Variants in PTPRD observed in about 807,000 individuals in gnomAD.
PTPRD encodes the protein receptor-type tyrosine-protein phosphatase delta.
Under a neutral mutation model 214.5 loss-of-function variants are expected in PTPRD, and 34 were observed. That is an observed-to-expected ratio of 0.16 (90% CI 0.12 to 0.21). The LOEUF is 0.21. PTPRD is among the 10% of genes least tolerant of loss of function. PTPRD has a pLI of 1.00. For synonymous variants in PTPRD, 1,128 were observed against 845.7 expected (o/e 1.33, Z -5.79); for missense variants, 2,545 against 2,398.7 (o/e 1.06, Z -1.27).
At chr9:8,788,328 T>A (rs147078944) in intron 11 of PTPRD, among the ~76,000 whole-genome samples, 2,097 of 132,100 alleles carry the variant, frequency 0.016, 55 homozygotes, top group African/African-American at 0.058. Context: ...CAGGCAGGAG[T>A]GCAATGGCAC....
At chr9:8,777,905 T>A (rs969229711) in intron 11 of PTPRD, among the ~76,000 whole-genome samples, 3 of 152,126 alleles carry the variant, frequency 2.0e-5, no homozygotes, top group African/African-American at 7.2e-5. Flanking sequence ...ATGAAAAACA[T>A]CCTCTATACA....
At chr9:8,608,233 T>A (rs1385542942) in intron 14 of PTPRD, among the ~76,000 whole-genome samples, 1 of 152,144 alleles carries the variant, frequency 6.6e-6, no homozygotes, top group Non-Finnish European at 1.5e-5. Flanking sequence ...TTGAACTAAT[T>A]CAAGTTCCAA....
intron 2 of PTPRD, among the ~76,000 whole-genome samples, chr9:10,565,887 C>T (rs1317383094): frequency 6.6e-6 from 1 of 151,782 alleles, no homozygotes; most frequent in African/African-American, 2.4e-5. Context: ...TATAAATGTT[C>T]AAGCCCCTCC....
In PTPRD at chr9:9,448,073, G is replaced by C. The variant is rs1950666291; in HGVS notation, c.-236-50591C>G. The stretch of plus-strand genomic sequence containing the variant: ...AGGGGTTCATTCTGCTGCTGTGATA[G>C]AAACAGGTTTTGGAGAAGAAAGGAA... On this transcript the variant is annotated intron_variant, in intron 8 of 45. Transcript: ENST00000381196. Among the ~76,000 whole-genome samples the C allele has an allele frequency of 2.0e-5, 3 of 152,084 alleles. No homozygotes were observed. In the South Asian group the frequency reaches 6.2e-4, roughly 32 times the overall value.
At chr9:10,612,555 G>A (rs962689900) in intron 1 of PTPRD, 50 bp from the exon 2 acceptor site, 1 of 152,246 alleles carries the variant, frequency 6.6e-6, no homozygotes, top group Non-Finnish European at 1.5e-5. Flanking sequence ...GTTTGGCTTT[G>A]GTGGGGTGCT....
chr9:10,178,272 A>G (rs1769221666), intron 3 of PTPRD, among the ~76,000 whole-genome samples: 1 of 151,940 alleles, frequency 6.6e-6, no homozygotes, highest in Admixed American at 6.6e-5. Flanking sequence ...GAGGTATAAA[A>G]TCTAGGGCCC....
intron 10 of PTPRD, among the ~76,000 whole-genome samples, chr9:9,081,253 C>T (rs1032009860): frequency 1.3e-5 from 2 of 152,042 alleles, no homozygotes; most frequent in Non-Finnish European, 2.9e-5. Flanking sequence ...TCATTATTTA[C>T]CCAGTAGTCA....
At chr9:9,414,891 T>G (rs748861758) in intron 8 of PTPRD, 4 of 152,146 alleles carry the variant, frequency 2.6e-5, no homozygotes, top group Non-Finnish European at 4.4e-5. Flanking sequence ...TAAAAGATAA[T>G]TACCTGCTGG....
rs143576302 is a variant in PTPRD at position 10,094,938 on chromosome 9, C to T, written c.-544-61148G>A. On this transcript the variant is annotated intron_variant, in intron 3 of 45. Coordinates refer to ENST00000381196, the MANE Select transcript of PTPRD (RefSeq NM_002839.4). ...ATTACTGATTTGTTTTCCATTCTCA[C>T]ATAAAGGTTTCTCACACTTTAAAAT... Among the ~76,000 whole-genome samples the T allele has an allele frequency of 2.3e-3, 356 of 151,538 alleles. 2 individuals are homozygous for T. Among genetic ancestry groups the T allele is most frequent in the African/African-American group, 6.6e-3 (274 of 41,440 alleles).
Position 9,636,119 on chromosome 9 carries a change from G to A in PTPRD, c.-286-61338C>T, listed in dbSNP as rs57875094. ...TTTGCTCAATTTTCTCCAGCTTACA[G>A]GATATTTTTCACGTGTTCTTCTCCT... On this transcript the variant is annotated intron_variant, in intron 7 of 45. Transcript: ENST00000381196. 2.5e-3 allele frequency among the ~76,000 whole-genome samples: 384 copies of A among 152,204 alleles called. 1 individual carries two copies. The highest frequency in any genetic ancestry group is 8.8e-3 in the African/African-American group (367 of 41,532).
intron 7 of PTPRD, among the ~76,000 whole-genome samples, chr9:9,586,436 T>G (rs1332932767): frequency 6.6e-6 from 1 of 152,132 alleles, no homozygotes; most frequent in African/African-American, 2.4e-5. Flanking sequence ...GAGTTGAGTT[T>G]TATGTACCAG....
At chr9:9,411,279 A>ATTTTTTTTTTTTTTTTTTTTTTTTGTTT (rs2075350756) in intron 8 of PTPRD, among the ~76,000 whole-genome samples, 1 of 30,782 alleles carries the variant, frequency 3.2e-5, no homozygotes. Flanking sequence ...TTTTTTTACG[A>ATTTTTTTTTTTTTTTTTTTTTTTTGTTT]TAATTAAGGC....
At chr9:10,024,304 C>A (rs1001503054) in intron 4 of PTPRD, among the ~76,000 whole-genome samples, 1 of 152,078 alleles carries the variant, frequency 6.6e-6, no homozygotes, top group African/African-American at 2.4e-5. Flanking sequence ...TGCTTCTGAA[C>A]CAGGAAGGCA....
intron 12 of PTPRD, among the ~76,000 whole-genome samples, chr9:8,705,599 G>C (rs1177739001): frequency 2.6e-5 from 4 of 152,124 alleles, no homozygotes; most frequent in Non-Finnish European, 5.9e-5. Flanking sequence ...CAACAGCAAA[G>C]AAGACATAAA....
intron 9 of PTPRD, among the ~76,000 whole-genome samples, chr9:9,195,637 C>A (rs182945783): frequency 6.6e-6 from 1 of 151,760 alleles, no homozygotes; most frequent in South Asian, 2.1e-4. Context: ...ATGGAGCATT[C>A]GCTTCCCACA....
At chr9:10,235,849 T>C (rs901051784) in intron 3 of PTPRD, among the ~76,000 whole-genome samples, 1 of 151,994 alleles carries the variant, frequency 6.6e-6, no homozygotes, top group Non-Finnish European at 1.5e-5. Flanking sequence ...TGGGCAATTC[T>C]AGTATTAGTA....
intron 3 of PTPRD, among the ~76,000 whole-genome samples, chr9:10,176,998 TCATCCATGTAACCTACACATGTTACAAC>T (rs1326455162): frequency 6.6e-6 from 1 of 151,940 alleles, no homozygotes; most frequent in African/African-American, 2.4e-5. Context: ...ATTTTTTTGC[TCATCCATGTAACCTACACATGTTACAAC>T]CAGCATGCTA....
At chr9:8,445,711 A>T (rs1047729318) in intron 34 of PTPRD, among the ~76,000 whole-genome samples, 3 of 152,158 alleles carry the variant, frequency 2.0e-5, no homozygotes, top group African/African-American at 7.2e-5. Context: ...TTTATTCAAC[A>T]ATTCCATATT....
chr9:9,965,881 A>G (rs1241325199), intron 4 of PTPRD, among the ~76,000 whole-genome samples: 2 of 152,218 alleles, frequency 1.3e-5, no homozygotes, highest in African/African-American at 4.8e-5. Context: ...GTTTATGCAT[A>G]TTAGCATGTC....
Sources: gnomAD v4.1 joint callset for allele counts (sites outside exome capture counted in the v4.1 genomes callset) on GRCh38, gnomAD v4.1.1 for gene constraint, MANE v1.5 for transcripts, NCBI Gene and HGNC (gene_info 2026-07-23, HGNC 2026-07-21) for gene names.